The following SLC8A3 variants were observed in gnomAD, a reference collection of about 807,000 sequenced individuals.
The protein encoded by SLC8A3 is sodium/calcium exchanger 3.
In SLC8A3, 37 loss-of-function variants were observed where a neutral mutation model predicts 65.4. The observed-to-expected ratio is 0.57, with a 90% CI of 0.44 to 0.74. The LOEUF (loss-of-function observed/expected upper bound fraction) is 0.74, where lower values mean the gene tolerates loss of function less well. SLC8A3 is among the 30% of genes least tolerant of loss of function. The pLI, the probability that SLC8A3 is intolerant of heterozygous loss-of-function variation, is 0.00. For synonymous variants in SLC8A3, 461 were observed against 444.5 expected (o/e 1.04, Z -0.47); for missense variants, 1,112 against 1,172.1 (o/e 0.95, Z 0.75).
chr14:70,078,051 C>T (rs1194402747), intron 2 of SLC8A3, among the ~76,000 whole-genome samples: 2 of 152,222 alleles, frequency 1.3e-5, no homozygotes, highest in African/African-American at 4.8e-5. Flanking sequence ...CCAGGAAGGC[C>T]TCCTGATCCC....
chr14:70,059,263 T>G (rs1888498201), intron 3 of SLC8A3: 1 of 152,268 alleles, frequency 6.6e-6, no homozygotes, highest in Non-Finnish European at 1.5e-5. Flanking sequence ...TGAGAAGGCC[T>G]GTAGAGAATC....
intron 2 of SLC8A3, among the ~76,000 whole-genome samples, chr14:70,101,785 G>A (rs191592395): frequency 6.6e-6 from 1 of 152,342 alleles, no homozygotes; most frequent in East Asian, 1.9e-4. Flanking sequence ...GAAGGGAAAT[G>A]CGTGAAGCAA....
chr14:70,171,141 A>G (rs1354467911), intron 1 of SLC8A3, among the ~76,000 whole-genome samples: 1 of 152,206 alleles, frequency 6.6e-6, no homozygotes, highest in Non-Finnish European at 1.5e-5. Flanking sequence ...GACAGATGGT[A>G]GGCACAGCTG....
intron 1 of SLC8A3, among the ~76,000 whole-genome samples, chr14:70,185,293 A>G (rs1007697619): frequency 6.6e-6 from 1 of 152,150 alleles, no homozygotes; most frequent in Non-Finnish European, 1.5e-5. Context: ...TCTAATCTCA[A>G]TAGTTTGAAA....
chr14:70,188,204 C>T (rs770135837), intron 1 of SLC8A3, among the ~76,000 whole-genome samples, 175 bp downstream of exon 1: 5 of 152,212 alleles, frequency 3.3e-5, no homozygotes, highest in Non-Finnish European at 5.9e-5. Flanking sequence ...CCCCACTTCT[C>T]CTGGCACTAA....
At chr14:70,058,368 C>T (rs1888398353) in intron 3 of SLC8A3, among the ~76,000 whole-genome samples, 1 of 152,138 alleles carries the variant, frequency 6.6e-6, no homozygotes, top group Admixed American at 6.5e-5. Context: ...GGTCTAATGT[C>T]AAAATACGGG....
chr14:70,179,695 C>G (rs1442922780), intron 1 of SLC8A3, among the ~76,000 whole-genome samples: 2 of 152,186 alleles, frequency 1.3e-5, no homozygotes, highest in Non-Finnish European at 2.9e-5. Context: ...TCATTAGCAC[C>G]TCACTTTTCC....
chr14:70,128,950 A>G lies in SLC8A3; in HGVS notation c.1784+37689T>C, dbSNP rs1594722666. ...ATTGGCCTCTGTTGTAGTTATGGGTATGATAGCTGTTGTGGTGATAGCAGC... is the reference window on the plus strand; with the variant it reads ...ATTGGCCTCTGTTGTAGTTATGGGTGTGATAGCTGTTGTGGTGATAGCAGC... On this transcript the variant is annotated intron_variant, in intron 2 of 6. Transcript: ENST00000356921. 2.0e-5 allele frequency among the ~76,000 whole-genome samples: 3 copies of G among 152,332 alleles called. 1 individual carries two copies. The highest frequency in any genetic ancestry group is 2.0e-4 in the Admixed American group (3 of 15,310).
intron 2 of SLC8A3, among the ~76,000 whole-genome samples, chr14:70,076,409 C>A (rs1398266536): frequency 2.0e-5 from 3 of 152,212 alleles, no homozygotes; most frequent in Non-Finnish European, 4.4e-5. Context: ...CCAGCACAGT[C>A]TCTGGCACAT....
At chr14:70,053,273 G>C (rs1455248857) in intron 3 of SLC8A3, among the ~76,000 whole-genome samples, 1 of 152,176 alleles carries the variant, frequency 6.6e-6, no homozygotes, top group African/African-American at 2.4e-5. Context: ...ATATGTCCAA[G>C]TCAGCAGACA....
At chr14:70,172,961 A>G (rs377090650) in intron 1 of SLC8A3, among the ~76,000 whole-genome samples, 1 of 152,152 alleles carries the variant, frequency 6.6e-6, no homozygotes, top group Non-Finnish European at 1.5e-5. Flanking sequence ...AAAGGCAAAG[A>G]CATGGAAACA....
intron 2 of SLC8A3, among the ~76,000 whole-genome samples, chr14:70,109,558 A>G (rs1311267807): frequency 1.3e-5 from 2 of 151,788 alleles, no homozygotes; most frequent in East Asian, 3.9e-4. Context: ...ATGTTCAAGC[A>G]ATTCTCCTGC....
At chr14:70,075,892 G>A (rs1385341505) in intron 2 of SLC8A3, among the ~76,000 whole-genome samples, 4 of 152,084 alleles carry the variant, frequency 2.6e-5, no homozygotes, top group Non-Finnish European at 5.9e-5. Context: ...ACACAATGAG[G>A]TGCCCCATCC....
rs1306137402 is a variant in SLC8A3 at position 70,183,065 on chromosome 14, C to T, written c.-63+5314G>A. 2.0e-5 allele frequency among the ~76,000 whole-genome samples: 3 copies of T among 152,182 alleles called. No individual in the cohort carries two copies. In the South Asian group the frequency reaches 6.2e-4, roughly 32 times the overall value. ...ATTCTTTTGGACTTCGAGGTCCTCT[C>T]CTGTCTAGTTATTTGGAAATTATCA... On this transcript the variant is annotated intron_variant, in intron 1 of 6. Transcript: ENST00000356921.
At chr14:70,120,346 A>G (rs1393594772) in intron 2 of SLC8A3, among the ~76,000 whole-genome samples, 1 of 152,150 alleles carries the variant, frequency 6.6e-6, no homozygotes, top group Admixed American at 6.5e-5. Flanking sequence ...AGTCAGTGTG[A>G]CTCTTGGTTA....
chr14:70,115,244 C>T (rs1221328948), intron 2 of SLC8A3, among the ~76,000 whole-genome samples: 2 of 152,270 alleles, frequency 1.3e-5, no homozygotes, highest in East Asian at 3.9e-4. Context: ...CTTTCCCTGC[C>T]CGAGCTTTGG....
intron 3 of SLC8A3, 72 bp downstream of exon 3, chr14:70,060,764 G>A (rs1379140875): frequency 3.4e-6 from 3 of 879,470 alleles, no homozygotes; most frequent in Admixed American, 1.8e-5. Flanking sequence ...TTTCTTTTTT[G>A]TTGTTGTTTT....
chr14:70,050,328 G>C (rs1490539831), intron 5 of SLC8A3, among the ~76,000 whole-genome samples: 1 of 152,170 alleles, frequency 6.6e-6, no homozygotes, highest in Non-Finnish European at 1.5e-5. Flanking sequence ...TTGGGGATAT[G>C]ACCCTGTGGG....
chr14:70,098,995 T>TAG (rs1476698194), intron 2 of SLC8A3, among the ~76,000 whole-genome samples: 153 of 152,262 alleles, frequency 1.0e-3, no homozygotes, highest in African/African-American at 3.4e-3. Context: ...TGAAAGAATC[T>TAG]CAGAGGGAAA....
Sources: allele counts gnomAD v4.1 joint callset (sites outside exome capture counted in the v4.1 genomes callset), GRCh38; gene constraint gnomAD v4.1.1; transcripts MANE v1.5; gene names NCBI Gene and HGNC (gene_info 2026-07-23, HGNC 2026-07-21).